ACSS1: variants seen among roughly 807,000 people sequenced by gnomAD.
ACSS1 encodes acyl-CoA synthetase short chain family member 1.
Under a neutral mutation model 75.3 loss-of-function variants are expected in ACSS1, and 42 were observed. The observed-to-expected ratio is 0.56, with a 90% CI of 0.44 to 0.72. The LOEUF is 0.72. ACSS1 is among the 30% of genes least tolerant of loss of function. The pLI is 0.00. For synonymous variants in ACSS1, 380 were observed against 376.8 expected (o/e 1.01, Z -0.10); for missense variants, 782 against 935.7 (o/e 0.84, Z 2.14).
intron 6 of ACSS1, among the ~76,000 whole-genome samples, 185 bp downstream of exon 6, chr20:25,021,204 C>T (rs1292465018): frequency 6.6e-6 from 1 of 152,358 alleles, no homozygotes; most frequent in East Asian, 1.9e-4. Flanking sequence ...CTGCTGCTGC[C>T]TGTCAGATCT....
intron 12 of ACSS1, 34 bp from the exon 13 acceptor site, chr20:25,009,422 A>G (rs773023676): frequency 2.5e-6 from 4 of 1,571,646 alleles, no homozygotes; most frequent in Non-Finnish European, 3.5e-6. Flanking sequence ...GATGTATTAA[A>G]TACTAGACAA....
chr20:25,009,621 G>T (rs2088370964), intron 12 of ACSS1: 2 of 526,438 alleles, frequency 3.8e-6, no homozygotes, highest in Non-Finnish European at 6.8e-6. Flanking sequence ...GCACATGTGT[G>T]GCTGAGAGCT....
In ACSS1 at chr20:25,013,470, TTTCTGAGAATAAGA is replaced by T. The variant is rs548176748; in HGVS notation, c.1579+52_1579+65del. The T allele has an allele frequency of 1.1e-3, 1,693 of 1,531,926 alleles. 3 individuals are homozygous for T. Among genetic ancestry groups the T allele is most frequent in the Middle Eastern group, 2.0e-3 (11 of 5,616 alleles). 94.9% of individuals were successfully genotyped at this position (1,531,926 alleles called of 1,614,324 possible). A position where few individuals can be genotyped will look rare whatever the true frequency, so the allele number is the denominator to read the frequency against. ...TGCACTCAAATCCCATTAAAAATGTTTTCTGAGAATAAGATTCCAGCAGTCAGCTGAAAAGGAAT... is the reference window on the plus strand; with the variant it reads ...TGCACTCAAATCCCATTAAAAATGTTTTCCAGCAGTCAGCTGAAAAGGAAT... On this transcript the variant is annotated intron_variant, in intron 10 of 13. Coordinates refer to ENST00000323482, the MANE Select transcript of ACSS1 (RefSeq NM_032501.4).
chr20:25,048,106 G>T lies in ACSS1; in HGVS notation c.410C>A (p.Thr137Lys). The T allele has an allele frequency of 6.2e-7, 1 of 1,613,646 alleles. No homozygotes were observed. The highest frequency in any genetic ancestry group is 8.5e-7 in the Non-Finnish European group (1 of 1,179,956). Residue 137 changes from threonine to lysine, a missense_variant, in exon 2 of 14, where the codon ACG becomes AAG. This residue lies in a region of ACSS1 where 377 missense variants were observed against 383.1 expected (regional missense o/e 0.98). Transcript: ENST00000323482. ...GTACCTGTAGGTGATCCTCACTTCC[G>T]TTCCAGGCTCATCGCGCTCCCAGAT... The part of the protein sequence containing the change: ...ALIWERDEPG[T>K]EVRITYRELL...
At chr20:25,009,555 C>T (rs1476968115) in intron 12 of ACSS1, 167 bp from the exon 13 acceptor site, 2 of 636,462 alleles carry the variant, frequency 3.1e-6, no homozygotes, top group Non-Finnish European at 5.6e-6. Context: ...AGATGCACTT[C>T]AGTTTCATGA....
At chr20:25,009,886 A>T (rs1702512762) in intron 12 of ACSS1, 1 of 156,494 alleles carries the variant, frequency 6.4e-6, no homozygotes, top group African/African-American at 2.4e-5. Flanking sequence ...CCACACTTCA[A>T]GTGCCATTCA....
chr20:25,032,675 C>CAG (rs2088847276), intron 2 of ACSS1: 4 of 1,204,836 alleles, frequency 3.3e-6, no homozygotes, highest in Non-Finnish European at 4.1e-6. Flanking sequence ...GCATAGCTCT[C>CAG]CTCTGTTCAA....
chr20:25,020,320 A>G (rs1429921628), intron 6 of ACSS1, among the ~76,000 whole-genome samples, 173 bp from the exon 7 acceptor site: 1 of 131,372 alleles, frequency 7.6e-6, no homozygotes, highest in Non-Finnish European at 1.6e-5. Context: ...AAGAAGCCCC[A>G]TGGGACAGGT....
chr20:25,009,454 G>T, intron 12 of ACSS1, 66 bp from the exon 13 acceptor site: 5 of 1,331,390 alleles, frequency 3.8e-6, no homozygotes, highest in Non-Finnish European at 5.4e-6. Context: ...CCGAGGCAGG[G>T]TGCTATGCAC....
intron 2 of ACSS1, chr20:25,046,687 C>G: frequency 1.5e-6 from 1 of 674,334 alleles, no homozygotes; most frequent in Admixed American, 2.3e-5. Flanking sequence ...GGGCTTTGTT[C>G]GCAGGCAGAT....
At position 25,007,878 on chromosome 20, in the gene ACSS1, T is replaced by G. The variant is rs2088337366; in HGVS notation, c.1954A>C (p.Ile652Leu). The G allele has an allele frequency of 1.2e-6, 2 of 1,614,070 alleles. No individual in the cohort carries two copies. The highest frequency in any genetic ancestry group is 8.5e-7 in the Non-Finnish European group (1 of 1,180,028). The change falls in exon 14 of 14, where the codon ATC becomes CTC. Residue 652 changes from isoleucine (I) to leucine (L), a missense_variant. Physicochemically the swap from Ile to Leu is conservative, Grantham distance 5. Transcript: ENST00000323482. ...CCCAGCTCCTGGGCCTCACTAGTGA[T>G]GATCTTCCTCAGGAGCCGCCGCATG... ...KVMRRLLRKI[I>L]TSEAQELGDT...
chr20:25,052,624 G>T (rs2089190489), intron 1 of ACSS1, among the ~76,000 whole-genome samples: 1 of 152,202 alleles, frequency 6.6e-6, no homozygotes, highest in Admixed American at 6.5e-5. Flanking sequence ...TAGAATGTGG[G>T]CTCTGTGGTA....
chr20:25,036,495 T>C (rs567187658), intron 2 of ACSS1, among the ~76,000 whole-genome samples: 3 of 149,058 alleles, frequency 2.0e-5, no homozygotes, highest in East Asian at 3.9e-4. Flanking sequence ...GAAACAGAGT[T>C]CAGAGAAAAG....
At chr20:25,022,633 G>A (rs2088643024) in intron 5 of ACSS1, among the ~76,000 whole-genome samples, 1 of 152,224 alleles carries the variant, frequency 6.6e-6, no homozygotes, top group African/African-American at 2.4e-5. Context: ...TAATTTGGGT[G>A]GTTTTCTCTA....
rs769037015 is a variant in ACSS1 at position 25,023,541 on chromosome 20, G to A, written c.732C>T (p.Thr244=). The stretch of plus-strand genomic sequence containing the variant: ...TGTGAGCCACCAGGACATGCTGCAC[G>A]GTGGGGCAGTGCTTCACAGCCTCAT... The part of the protein sequence containing the change: ...IVDEAVKHCP[T]VQHVLVAHRT... The change falls in exon 4 of 14, where the codon ACC becomes ACT. Residue 244 remains threonine (T), a synonymous_variant. Coordinates refer to ENST00000323482, the MANE Select transcript of ACSS1 (RefSeq NM_032501.4). 5.0e-5 allele frequency: 81 copies of A among 1,614,000 alleles called. No homozygotes were observed. Among genetic ancestry groups the A allele is most frequent in the Middle Eastern group, 4.9e-4 (3 of 6,084 alleles).
At chr20:25,037,305 C>G (rs1379618976) in intron 2 of ACSS1, among the ~76,000 whole-genome samples, 2 of 152,142 alleles carry the variant, frequency 1.3e-5, no homozygotes, top group Non-Finnish European at 2.9e-5. Context: ...AAGAGCGACA[C>G]CCACCCTGCA....
chr20:25,021,827 A>G (rs2088630002), intron 5 of ACSS1, among the ~76,000 whole-genome samples: 1 of 152,248 alleles, frequency 6.6e-6, no homozygotes, highest in African/African-American at 2.4e-5. Context: ...AAGCATCATC[A>G]GCTTCGAGGA....
At chr20:25,018,985 G>T (rs1568832863) in intron 7 of ACSS1, among the ~76,000 whole-genome samples, 1 of 152,302 alleles carries the variant, frequency 6.6e-6, no homozygotes, top group South Asian at 2.1e-4. Context: ...AGCTCTGCAG[G>T]GCACAGCCCC....
At chr20:25,042,291 T>C (rs2089017616) in intron 2 of ACSS1, among the ~76,000 whole-genome samples, 1 of 152,244 alleles carries the variant, frequency 6.6e-6, no homozygotes, top group South Asian at 2.1e-4. Context: ...GAAAGGTGGA[T>C]GCTGCTTCAA....
Sources: allele counts gnomAD v4.1 joint callset (sites outside exome capture counted in the v4.1 genomes callset), GRCh38; gene constraint gnomAD v4.1.1; regional missense constraint gnomAD v4.1.1; transcripts MANE v1.5; gene names NCBI Gene and HGNC (gene_info 2026-07-23, HGNC 2026-07-21).